Variants in OPCML observed in about 807,000 individuals in gnomAD.
OPCML encodes the protein opioid-binding protein/cell adhesion molecule.
OPCML carries 13 observed loss-of-function variants against 37.8 expected under a neutral mutation model. The observed-to-expected ratio is 0.34, with a 90% confidence interval of 0.22 to 0.55. The LOEUF (loss-of-function observed/expected upper bound fraction) is 0.55, where lower values mean the gene tolerates loss of function less well. Ranked by LOEUF, OPCML falls within the 20% of genes least tolerant of loss-of-function variation. OPCML has a pLI of 0.91. For missense variants in OPCML, 341 were observed against 435.6 expected (o/e 0.78, Z 1.93); for synonymous variants, 176 against 168.8 (o/e 1.04, Z -0.33).
chr11:133,159,960 A>G (rs1334102661), intron 1 of OPCML, among the ~76,000 whole-genome samples: 1 of 152,222 alleles, frequency 6.6e-6, no homozygotes, highest in Non-Finnish European at 1.5e-5. Context: ...GGACTCAAAC[A>G]ATACAGACAG....
intron 1 of OPCML, among the ~76,000 whole-genome samples, chr11:133,013,079 T>C (rs906945331): frequency 5.3e-5 from 8 of 152,184 alleles, no homozygotes; most frequent in African/African-American, 1.9e-4. Flanking sequence ...GGAGAAGTTA[T>C]GTAACTGATT....
intron 1 of OPCML, among the ~76,000 whole-genome samples, chr11:133,078,680 G>T (rs1246121515): frequency 6.6e-6 from 1 of 152,128 alleles, no homozygotes; most frequent in African/African-American, 2.4e-5. Flanking sequence ...CTAAGGTTCT[G>T]GGATGCACCA....
intron 7 of OPCML, among the ~76,000 whole-genome samples, chr11:132,426,392 C>T (rs945409114): frequency 1.3e-5 from 2 of 152,148 alleles, no homozygotes; most frequent in South Asian, 2.1e-4. Flanking sequence ...TGAGAGGCTA[C>T]GTGTCTTGGT....
chr11:132,704,446 G>C (rs2135931903), intron 2 of OPCML, among the ~76,000 whole-genome samples: 1 of 152,268 alleles, frequency 6.6e-6, no homozygotes, highest in African/African-American at 2.4e-5. Context: ...GGCAGGTCTA[G>C]AAAGCAAGTA....
intron 2 of OPCML, among the ~76,000 whole-genome samples, chr11:132,729,858 C>T (rs1945015245): frequency 6.6e-6 from 1 of 152,094 alleles, no homozygotes; most frequent in Non-Finnish European, 1.5e-5. Flanking sequence ...GCAGGATATT[C>T]TACCAAAGGC....
At chr11:132,666,510 G>A (rs1942230203) in intron 2 of OPCML, among the ~76,000 whole-genome samples, 1 of 152,198 alleles carries the variant, frequency 6.6e-6, no homozygotes, top group African/African-American at 2.4e-5. Context: ...GAGGTTTGGA[G>A]AGAACACACA....
intron 1 of OPCML, among the ~76,000 whole-genome samples, chr11:132,962,626 C>A (rs1205811346): frequency 6.6e-6 from 1 of 152,174 alleles, no homozygotes; most frequent in Admixed American, 6.5e-5. Context: ...AACACACTCC[C>A]CGAATGGACA....
chr11:133,120,904 T>C (rs1323784583), intron 1 of OPCML, among the ~76,000 whole-genome samples: 1 of 152,154 alleles, frequency 6.6e-6, no homozygotes, highest in Non-Finnish European at 1.5e-5. Context: ...TTACTTACGG[T>C]AATTCACTAA....
At chr11:133,239,128 G>A (rs1940631625) in intron 1 of OPCML, among the ~76,000 whole-genome samples, 1 of 152,178 alleles carries the variant, frequency 6.6e-6, no homozygotes, top group Non-Finnish European at 1.5e-5. Context: ...GTCTGTAAGA[G>A]GGACCCTGAC....
chr11:133,089,992 A>G (rs2137049941), intron 1 of OPCML, among the ~76,000 whole-genome samples: 1 of 152,314 alleles, frequency 6.6e-6, no homozygotes, highest in East Asian at 1.9e-4. Flanking sequence ...TACACTAAAT[A>G]TCAAAAATGT....
chr11:133,317,980 A>C (rs1466490449), intron 1 of OPCML, among the ~76,000 whole-genome samples: 1 of 152,154 alleles, frequency 6.6e-6, no homozygotes, highest in Non-Finnish European at 1.5e-5. Flanking sequence ...TCAGAACTAC[A>C]CTAGGAGGTA....
At chr11:133,204,014 C>T (rs535848105) in intron 1 of OPCML, among the ~76,000 whole-genome samples, 12 of 130,322 alleles carry the variant, frequency 9.2e-5, no homozygotes, top group Admixed American at 1.8e-4. Context: ...GCCGAGATCC[C>T]GCCACTGCAT....
At chr11:133,101,357 T>C (rs1949083431) in intron 1 of OPCML, among the ~76,000 whole-genome samples, 1 of 152,084 alleles carries the variant, frequency 6.6e-6, no homozygotes, top group Non-Finnish European at 1.5e-5. Flanking sequence ...AGCCACAAAC[T>C]GGGAGAAAAT....
At chr11:133,033,133 T>C (rs1256667312) in intron 1 of OPCML, among the ~76,000 whole-genome samples, 1 of 152,248 alleles carries the variant, frequency 6.6e-6, no homozygotes, top group African/African-American at 2.4e-5. Flanking sequence ...CTCTTTCATC[T>C]TTTAAATTCT....
chr11:133,388,087 G>C (rs1429459103), intron 1 of OPCML, among the ~76,000 whole-genome samples: 3 of 152,114 alleles, frequency 2.0e-5, no homozygotes, highest in Non-Finnish European at 4.4e-5. Context: ...AAGCTCTAAA[G>C]CAGATGTTCC....
chr11:133,081,156 C>T (rs538441934), intron 1 of OPCML, among the ~76,000 whole-genome samples: 16 of 152,254 alleles, frequency 1.1e-4, no homozygotes, highest in Admixed American at 7.2e-4. Flanking sequence ...GGGTGACAGG[C>T]GCATCTGATG....
chr11:132,457,452 TTGAG>T (rs1290231859), intron 4 of OPCML, among the ~76,000 whole-genome samples: 3 of 152,230 alleles, frequency 2.0e-5, no homozygotes, highest in African/African-American at 7.2e-5. Flanking sequence ...CAAATATTTA[TTGAG>T]TGTCAACTTG....
chr11:132,466,485 GAA>G (rs61036161), intron 4 of OPCML, among the ~76,000 whole-genome samples: 2,073 of 135,044 alleles, frequency 0.015, 33 homozygotes, highest in African/African-American at 0.048. Context: ...CTCCGTCTCG[GAA>G]AAAAAAAAAA....
intron 1 of OPCML, chr11:133,423,560 G>T: frequency 5.9e-6 from 5 of 841,844 alleles, no homozygotes; most frequent in Non-Finnish European, 5.7e-6. Context: ...TTAATTCCTT[G>T]GAAAAGCAGA....
Sources: gnomAD v4.1 joint callset for allele counts (sites outside exome capture counted in the v4.1 genomes callset) on GRCh38, gnomAD v4.1.1 for gene constraint, MANE v1.5 for transcripts, NCBI Gene and HGNC (gene_info 2026-07-23, HGNC 2026-07-21) for gene names.